The following AGMO variants were observed in gnomAD, a reference collection of about 807,000 sequenced individuals.
AGMO encodes alkylglycerol monooxygenase.
Under a neutral mutation model 60.2 loss-of-function variants are expected in AGMO, and 75 were observed. That is an observed-to-expected ratio of 1.25 (90% CI 1.03 to 1.51). The LOEUF (loss-of-function observed/expected upper bound fraction) is 1.51, where lower values mean the gene tolerates loss of function less well. Among genes scored for constraint, AGMO ranks in the 40% most tolerant of loss-of-function variants. The probability of loss-of-function intolerance (pLI) is 0.00; values close to 1 mark genes in which losing one functional copy is unlikely to be tolerated. For missense variants in AGMO, 763 were observed against 525.5 expected (o/e 1.45, Z -4.42); for synonymous variants, 261 against 177.1 (o/e 1.47, Z -3.76).
At chr7:15,479,156 G>T (rs776238833) in intron 3 of AGMO, among the ~76,000 whole-genome samples, 2 of 152,086 alleles carry the variant, frequency 1.3e-5, no homozygotes, top group Non-Finnish European at 2.9e-5. Flanking sequence ...AGAAATTACG[G>T]ACATTAAATA....
At position 15,431,296 on chromosome 7, in the gene AGMO, GTAAA is replaced by G. The variant is rs1172806950; in HGVS notation, c.410-192_410-189del. Among the ~76,000 whole-genome samples, 3 of 151,742 alleles carry G rather than the reference GTAAA, an allele frequency of 2.0e-5. No homozygotes were observed. The South Asian group carries it at 6.2e-4, about 31-fold the overall frequency. Reference sequence around the variant, plus strand: ...TTTGGAACCAAAGACTGTATACATTGTAAATAAATAAAAATGAAAGCATAGCCAA... The same window carrying G: ...TTTGGAACCAAAGACTGTATACATTGTAAATAAAAATGAAAGCATAGCCAA... On this transcript the variant is annotated intron_variant, in intron 3 of 12. Transcript: ENST00000342526.
chr7:15,240,355 T>C (rs928380297), intron 12 of AGMO, among the ~76,000 whole-genome samples: 6 of 152,224 alleles, frequency 3.9e-5, no homozygotes, highest in Non-Finnish European at 8.8e-5. Flanking sequence ...TGAGCTTTTG[T>C]GTTTTATGTG....
chr7:15,209,939 A>G (rs952842826), intron 12 of AGMO, among the ~76,000 whole-genome samples: 3 of 152,172 alleles, frequency 2.0e-5, no homozygotes, highest in African/African-American at 4.8e-5. Flanking sequence ...ACAAACATTC[A>G]AAGAATATAT....
intron 12 of AGMO, among the ~76,000 whole-genome samples, chr7:15,247,595 T>C (rs1782786335): frequency 6.6e-6 from 1 of 151,854 alleles, no homozygotes; most frequent in Non-Finnish European, 1.5e-5. Context: ...CACAGACACA[T>C]TCACAGTGAA....
intron 12 of AGMO, among the ~76,000 whole-genome samples, chr7:15,201,625 G>A (rs557242477): frequency 2.0e-5 from 3 of 152,270 alleles, no homozygotes; most frequent in East Asian, 1.9e-4. Context: ...TTCAAGGAAT[G>A]AGGCTAGACA....
At chr7:15,150,052 T>C in the AGMO span, among the ~76,000 whole-genome samples, 7 of 152,096 alleles carry the variant, frequency 4.6e-5, no homozygotes, top group African/African-American at 7.2e-5. Flanking sequence ...TTTATTCTTT[T>C]TGTGGTTATT....
At chr7:15,218,076 A>T (rs1781795850) in intron 12 of AGMO, among the ~76,000 whole-genome samples, 1 of 152,108 alleles carries the variant, frequency 6.6e-6, no homozygotes, top group Non-Finnish European at 1.5e-5. Flanking sequence ...ATCAATAAGA[A>T]AAAAGACGTA....
At chr7:15,368,833 A>G (rs796933053) in intron 10 of AGMO, among the ~76,000 whole-genome samples, 29 of 152,172 alleles carry the variant, frequency 1.9e-4, no homozygotes, top group African/African-American at 6.3e-4. Context: ...GACAATACAA[A>G]TAACTCTTTA....
the AGMO span, among the ~76,000 whole-genome samples, chr7:15,142,861 G>A: frequency 2.0e-5 from 3 of 152,154 alleles, no homozygotes; most frequent in Admixed American, 2.0e-4. Context: ...TGTATTAGAA[G>A]TGAAACTAAG....
At chr7:15,216,833 AGTGTGTGTGTGT>A (rs1181410197) in intron 12 of AGMO, among the ~76,000 whole-genome samples, 99 of 147,114 alleles carry the variant, frequency 6.7e-4, no homozygotes, top group African/African-American at 2.1e-3. Context: ...TGAAAGAAAA[AGTGTGTGTGTGT>A]GTGTGTGTGT....
At chr7:15,177,635 G>A in the AGMO span, among the ~76,000 whole-genome samples, 3 of 151,830 alleles carry the variant, frequency 2.0e-5, no homozygotes, top group Admixed American at 2.0e-4. Context: ...CTGTTTTTTA[G>A]CCATTTGCCA....
intron 12 of AGMO, among the ~76,000 whole-genome samples, chr7:15,340,437 A>T (rs181170928): frequency 6.6e-6 from 1 of 152,128 alleles, no homozygotes; most frequent in Admixed American, 6.5e-5. Context: ...ACTACATAAC[A>T]AATTTTGGGC....
intron 3 of AGMO, among the ~76,000 whole-genome samples, chr7:15,509,161 C>A (rs1315458291): frequency 2.0e-5 from 3 of 151,968 alleles, no homozygotes; most frequent in African/African-American, 7.3e-5. Flanking sequence ...TAATTAAGAG[C>A]AAATAATTAG....
At chr7:15,364,031 A>G (rs1024778604) in intron 12 of AGMO, among the ~76,000 whole-genome samples, 22 of 152,016 alleles carry the variant, frequency 1.4e-4, no homozygotes, top group African/African-American at 5.1e-4. Flanking sequence ...ATGAACATAC[A>G]CATTAAATCA....
intron 8 of AGMO, 103 bp from the exon 9 acceptor site, chr7:15,387,643 T>C (rs1483140147): frequency 2.8e-5 from 28 of 999,592 alleles, no homozygotes; most frequent in Non-Finnish European, 3.8e-5. Flanking sequence ...AATTTACGTA[T>C]TTAAAACGTT....
intron 2 of AGMO, among the ~76,000 whole-genome samples, chr7:15,545,527 G>T (rs1019311395): frequency 1.3e-5 from 2 of 151,238 alleles, no homozygotes; most frequent in African/African-American, 4.9e-5. Flanking sequence ...TTATCATCAG[G>T]TATTAGATAC....
At chr7:15,143,940 A>T in the AGMO span, among the ~76,000 whole-genome samples, 1 of 152,180 alleles carries the variant, frequency 6.6e-6, no homozygotes, top group African/African-American at 2.4e-5. Context: ...ACTTATAAGT[A>T]GCATGCATTG....
chr7:15,395,425 A>G (rs191525372), intron 5 of AGMO, among the ~76,000 whole-genome samples: 1 of 152,238 alleles, frequency 6.6e-6, no homozygotes, highest in East Asian at 1.9e-4. Context: ...AACATAAAAG[A>G]CATTTTATAG....
In AGMO at chr7:15,339,372, G is replaced by A. The variant is rs546360705; in HGVS notation, c.1263+26142C>T. On this transcript the variant is annotated intron_variant, in intron 12 of 12. Coordinates refer to ENST00000342526, the MANE Select transcript of AGMO (RefSeq NM_001004320.2). ...ATTTTTTTAATTTGAAGACATGATT[G>A]TAATTAACACTGAGTTATTTGAGGA... 1.4e-4 allele frequency among the ~76,000 whole-genome samples: 22 copies of A among 152,204 alleles called. No homozygotes were observed. In the South Asian group the frequency reaches 3.1e-3, roughly 22 times the overall value.
Sources: allele counts gnomAD v4.1 joint callset (sites outside exome capture counted in the v4.1 genomes callset), GRCh38; gene constraint gnomAD v4.1.1; transcripts MANE v1.5; gene names NCBI Gene and HGNC (gene_info 2026-07-23, HGNC 2026-07-21).